Variants in BTAF1 observed in about 807,000 individuals in gnomAD.
BTAF1 encodes the protein B-TFIID TATA-box binding protein associated factor 1.
BTAF1 carries 38 observed loss-of-function variants against 227.1 expected under a neutral mutation model. The ratio of observed to expected loss-of-function variants is 0.17; its 90% CI spans 0.13 to 0.22. BTAF1 has a LOEUF of 0.22. BTAF1 is among the 10% of genes least tolerant of loss of function. BTAF1 has a pLI of 1.00. For missense variants in BTAF1, 1,598 were observed against 2,204.0 expected, an observed-to-expected ratio of 0.73 and a Z score of 5.51; for synonymous variants, 742 against 751.9, an observed-to-expected ratio of 0.99 and a Z score of 0.21.
chr10:91,951,717 G>T (rs1845773399), intron 5 of BTAF1, 151 bp downstream of exon 5: 1 of 816,264 alleles, frequency 1.2e-6, no homozygotes, highest in African/African-American at 1.8e-5. Context: ...TTTTTAACTG[G>T]ATTTCTGATG....
intron 21 of BTAF1, 63 bp from the exon 22 acceptor site, chr10:91,993,631 A>G: frequency 8.0e-7 from 1 of 1,249,500 alleles, no homozygotes; most frequent in Non-Finnish European, 1.0e-6. Context: ...TTCTTTTGTT[A>G]AAATTTTAAA....
At chr10:91,975,994 C>T (rs1466279931) in intron 14 of BTAF1, among the ~76,000 whole-genome samples, 1 of 152,206 alleles carries the variant, frequency 6.6e-6, no homozygotes, top group East Asian at 1.9e-4. Context: ...TCAGCTCCCA[C>T]AAGTTAGAGA....
chr10:91,957,957 G>A (rs575980357), intron 8 of BTAF1, among the ~76,000 whole-genome samples: 47 of 152,176 alleles, frequency 3.1e-4, no homozygotes, highest in African/African-American at 1.1e-3. Context: ...TTATCCCCAG[G>A]GGTATAGTGA....
chr10:91,997,622 T>C lies in BTAF1; in HGVS notation c.3531T>C (p.Asp1177=), dbSNP rs1180134214. The C allele has an allele frequency of 1.9e-6, 3 of 1,613,116 alleles. No homozygotes were observed. Among genetic ancestry groups the C allele is most frequent in the African/African-American group, 2.7e-5 (2 of 74,916 alleles). Reference sequence around the variant, plus strand: ...ACTCAGGTGTAATGGAACAACTAGATGTTGGTATTGTTCCATATATTGTCC... The same window carrying C: ...ACTCAGGTGTAATGGAACAACTAGACGTTGGTATTGTTCCATATATTGTCC... ...EALACVMEQL[D]VGIVPYIVLL... Residue 1177 remains aspartate (D), a synonymous_variant, in exon 25 of 38, where the codon GAT becomes GAC. Coordinates refer to ENST00000265990, the MANE Select transcript of BTAF1 (RefSeq NM_003972.3).
At chr10:91,971,325 T>G (rs1847286617) in intron 14 of BTAF1, among the ~76,000 whole-genome samples, 3 of 152,310 alleles carry the variant, frequency 2.0e-5, no homozygotes, top group African/African-American at 7.2e-5. Context: ...ATCCTTGCTG[T>G]TTATTATCTT....
At chr10:92,016,568 T>C in intron 33 of BTAF1, 103 bp downstream of exon 33, 1 of 992,530 alleles carries the variant, frequency 1.0e-6, no homozygotes, top group East Asian at 3.1e-5. Context: ...AACCTCTGCC[T>C]CCTGGGTTCA....
intron 11 of BTAF1, 81 bp downstream of exon 11, chr10:91,960,235 C>T: frequency 7.1e-7 from 1 of 1,410,804 alleles, no homozygotes. Context: ...GACGAAATGG[C>T]CGTAGATTCT....
intron 1 of BTAF1, among the ~76,000 whole-genome samples, chr10:91,931,915 A>G (rs1844299707): frequency 6.6e-6 from 1 of 152,220 alleles, no homozygotes; most frequent in African/African-American, 2.4e-5. Context: ...CCATTCCTCT[A>G]TTCAGGGAGG....
chr10:91,941,730 T>C (rs1845014345), intron 3 of BTAF1, among the ~76,000 whole-genome samples: 1 of 152,380 alleles, frequency 6.6e-6, no homozygotes, highest in East Asian at 1.9e-4. Context: ...AAACTCATGC[T>C]GTTACCTTAG....
Position 92,011,086 on chromosome 10 carries a change from G to A in BTAF1, c.4117G>A (p.Val1373Ile). The change falls in exon 29 of 38, where the codon GTA becomes ATA. Residue 1373 changes from valine to isoleucine, a missense_variant. This residue lies in a region of BTAF1 where 184 missense variants were observed against 341.1 expected (regional missense o/e 0.54). Coordinates refer to ENST00000265990, the MANE Select transcript of BTAF1 (RefSeq NM_003972.3). Reference sequence around the variant, plus strand: ...TTCTAAATAAAGGTTACAGCACCAAGTAAAAAGGCACAATCTAATAGTGGC... The same window carrying A: ...TTCTAAATAAAGGTTACAGCACCAAATAAAAAGGCACAATCTAATAGTGGC... ...PTERIRLQHQ[V>I]KRHNLIVASY... 6.2e-7 allele frequency: 1 copy of A among 1,606,306 alleles called. No homozygotes were observed.
At chr10:91,936,528 C>A (rs1334565508) in intron 2 of BTAF1, among the ~76,000 whole-genome samples, 1 of 150,384 alleles carries the variant, frequency 6.6e-6, no homozygotes, top group Non-Finnish European at 1.5e-5. Flanking sequence ...GTTCTAAGCC[C>A]TTTCTCAGCA....
Position 91,923,817 on chromosome 10 carries a change from A to C in BTAF1, c.-260A>C. ...GTCAGCAAAGAGCGGAGCTGAGGGT[A>C]CCCGGTTTGAAGTCGTGCGGGTCGG... On this transcript the variant is annotated 5_prime_UTR_variant, in exon 1 of 38. Coordinates refer to ENST00000265990, the MANE Select transcript of BTAF1 (RefSeq NM_003972.3). 1 of 421,240 alleles carries C rather than the reference A, an allele frequency of 2.4e-6. No homozygotes were observed. Among genetic ancestry groups the C allele is most frequent in the Non-Finnish European group, 4.2e-6 (1 of 236,970 alleles). The allele number at this position is 421,240 out of a possible 1,614,324, so 26.1% of individuals were successfully genotyped here.
chr10:91,945,978 A>G lies in BTAF1; in HGVS notation c.400+3410A>G, dbSNP rs543764175. Among the ~76,000 whole-genome samples, 81 of 152,308 alleles carry G rather than the reference A, an allele frequency of 5.3e-4. 1 individual carries two copies. Among genetic ancestry groups the G allele is most frequent in the African/African-American group, 1.9e-3 (80 of 41,550 alleles). ...TCTGTTTTTTGATAGTTGCCATCCT[A>G]ATGGATATGATGTGGTAGTATTTCA... On this transcript the variant is annotated intron_variant, in intron 4 of 37. Coordinates refer to ENST00000265990, the MANE Select transcript of BTAF1 (RefSeq NM_003972.3).
rs11186789 is a variant in BTAF1, at chr10:91,999,475, A to T, written c.3660+1724A>T. Reference sequence around the variant, plus strand: ...AATGGCGCGACCTCAGCTCACTGCAACCTCTGCCTCCCGGGTTCAAGCGAT... The same window carrying T: ...AATGGCGCGACCTCAGCTCACTGCATCCTCTGCCTCCCGGGTTCAAGCGAT... On this transcript the variant is annotated intron_variant, in intron 25 of 37. Transcript: ENST00000265990. Among the ~76,000 whole-genome samples, 157 of 151,292 alleles carry T rather than the reference A, an allele frequency of 1.0e-3. 1 individual carries two copies. In the East Asian group the frequency reaches 0.03, roughly 29 times the overall value.
At chr10:91,991,795 GTGTATATATATA>G (rs1292321959) in intron 20 of BTAF1, among the ~76,000 whole-genome samples, 4 of 5,638 alleles carry the variant, frequency 7.1e-4, no homozygotes, top group African/African-American at 7.4e-4. Flanking sequence ...GTGTGTGTGT[GTGTATATATATA>G]TATATATATA....
rs779916088 is a variant in BTAF1 at position 91,924,112 on chromosome 10, C to G, written c.14+22C>G. The G allele has an allele frequency of 4.7e-5, 75 of 1,605,366 alleles. No homozygotes were observed. The Admixed American group carries it at 6.9e-4, about 15-fold the overall frequency. On this transcript the variant is annotated intron_variant, in intron 1 of 37. Transcript: ENST00000265990. ...CCAGGTGGGTCTTGCTCCTGACGAGCAAACTGGAAGGCGATTCAGGGAAGG... is the reference window on the plus strand; with the variant it reads ...CCAGGTGGGTCTTGCTCCTGACGAGGAAACTGGAAGGCGATTCAGGGAAGG...
rs1029642273 is a variant in BTAF1 at position 92,014,159 on chromosome 10, G to A, written c.4584+130G>A. 8 of 968,384 alleles carry A rather than the reference G, an allele frequency of 8.3e-6. No homozygotes were observed. In the African/African-American group the frequency reaches 1.2e-4, roughly 14 times the overall value. 60.0% of individuals were successfully genotyped at this position (968,384 alleles called of 1,614,324 possible). On this transcript the variant is annotated intron_variant, in intron 32 of 37. Coordinates refer to ENST00000265990, the MANE Select transcript of BTAF1 (RefSeq NM_003972.3). ...CAGATGCAGATAAAGCCTAAATGATGTGGATGTAAGTTTGAGTGTATGCAT... is the reference window on the plus strand; with the variant it reads ...CAGATGCAGATAAAGCCTAAATGATATGGATGTAAGTTTGAGTGTATGCAT...
chr10:92,022,719 A>G (rs930520072), intron 34 of BTAF1, among the ~76,000 whole-genome samples: 2 of 152,162 alleles, frequency 1.3e-5, no homozygotes, highest in African/African-American at 4.8e-5. Flanking sequence ...TGCCCAGCCA[A>G]TATACATTAT....
At chr10:92,008,672 T>G (rs542020235) in intron 26 of BTAF1, among the ~76,000 whole-genome samples, 157 bp from the exon 27 acceptor site, 2 of 152,280 alleles carry the variant, frequency 1.3e-5, no homozygotes, top group African/African-American at 2.4e-5. Context: ...TAAAATCGAT[T>G]TAGTAAAATC....
Sources: gnomAD v4.1 joint callset for allele counts (sites outside exome capture counted in the v4.1 genomes callset) on GRCh38, gnomAD v4.1.1 for gene constraint, gnomAD v4.1.1 regional missense constraint, MANE v1.5 for transcripts, NCBI Gene and HGNC (gene_info 2026-07-23, HGNC 2026-07-21) for gene names.